Variants in ATOSA observed in about 807,000 individuals in gnomAD.
ATOSA encodes atos homolog A, also known as atos homolog protein A.
the ATOSA span, among the ~76,000 whole-genome samples, chr15:52,677,198 G>A: frequency 2.6e-5 from 4 of 152,152 alleles, no homozygotes; most frequent in African/African-American, 9.7e-5. Flanking sequence ...TAAAGACTTG[G>A]ATTTGGAAGG....
the ATOSA span, among the ~76,000 whole-genome samples, chr15:52,691,272 A>C: frequency 2.6e-5 from 4 of 152,180 alleles, no homozygotes; most frequent in Non-Finnish European, 5.9e-5. Flanking sequence ...CTGAACTTCT[A>C]ATTGCTTTAC....
chr15:52,651,915 C>G, the ATOSA span: 4 of 1,535,334 alleles, frequency 2.6e-6, no homozygotes, highest in Non-Finnish European at 3.5e-6. Context: ...ATACTGGAAT[C>G]CTTGTATAAA....
chr15:52,701,461 T>C, the ATOSA span, among the ~76,000 whole-genome samples: 1 of 152,158 alleles, frequency 6.6e-6, no homozygotes, highest in Non-Finnish European at 1.5e-5. Flanking sequence ...ATGTAAATCA[T>C]AGAGGTGATT....
chr15:52,702,419 C>A, the ATOSA span, among the ~76,000 whole-genome samples: 5 of 152,140 alleles, frequency 3.3e-5, no homozygotes, highest in Non-Finnish European at 7.4e-5. Context: ...TGGAATACCA[C>A]ACAACCATAA....
At chr15:52,608,916 A>G in the ATOSA span, 1 of 1,606,396 alleles carries the variant, frequency 6.2e-7, no homozygotes, top group Non-Finnish European at 8.5e-7. Flanking sequence ...AGAATTTTGG[A>G]TTATAGTTCT....
the ATOSA span, among the ~76,000 whole-genome samples, chr15:52,597,316 AT>A: frequency 2.6e-5 from 4 of 152,222 alleles, no homozygotes; most frequent in African/African-American, 9.6e-5. Context: ...CCACATAAAA[AT>A]TCATACACAA....
the ATOSA span, chr15:52,601,140 C>G: frequency 6.5e-7 from 1 of 1,542,372 alleles, no homozygotes; most frequent in East Asian, 2.4e-5. Flanking sequence ...ATCAAAGCAA[C>G]CTGATTGTGT....
At chr15:52,584,201 A>G in the ATOSA span, among the ~76,000 whole-genome samples, 22 of 149,398 alleles carry the variant, frequency 1.5e-4, no homozygotes, top group East Asian at 3.9e-4. Context: ...CTGGAGTCCA[A>G]TGGTGTGATC....
the ATOSA span, among the ~76,000 whole-genome samples, chr15:52,661,601 T>C: frequency 6.6e-6 from 1 of 152,196 alleles, no homozygotes; most frequent in Non-Finnish European, 1.5e-5. Context: ...CCCTCAGCTT[T>C]TTAAAGTGGA....
chr15:52,596,956 G>A, the ATOSA span, among the ~76,000 whole-genome samples: 1 of 152,122 alleles, frequency 6.6e-6, no homozygotes, highest in African/African-American at 2.4e-5. Context: ...AGGAAAAGAG[G>A]ATCAACATCA....
At chr15:52,691,291 G>A in the ATOSA span, among the ~76,000 whole-genome samples, 1 of 152,118 alleles carries the variant, frequency 6.6e-6, no homozygotes, top group African/African-American at 2.4e-5. Context: ...ACAAGACTTA[G>A]TCTCATTGGT....
the ATOSA span, among the ~76,000 whole-genome samples, chr15:52,676,656 C>A: frequency 3.3e-5 from 5 of 152,140 alleles, no homozygotes; most frequent in African/African-American, 1.2e-4. Context: ...CTTTGGAAAT[C>A]TTGATGAATA....
the ATOSA span, among the ~76,000 whole-genome samples, chr15:52,615,954 A>G: frequency 6.6e-6 from 1 of 152,266 alleles, no homozygotes; most frequent in East Asian, 1.9e-4. Context: ...GCTAGGAAGT[A>G]GCAAAGTTGA....
chr15:52,708,592 C>G, the ATOSA span, among the ~76,000 whole-genome samples: 1 of 152,178 alleles, frequency 6.6e-6, no homozygotes, highest in South Asian at 2.1e-4. Flanking sequence ...TAAAATCTAC[C>G]TTGCAAAACT....
At chr15:52,599,094 A>G in the ATOSA span, among the ~76,000 whole-genome samples, 5 of 152,234 alleles carry the variant, frequency 3.3e-5, 1 homozygote, top group South Asian at 1.0e-3. Flanking sequence ...TAAATTATCC[A>G]GCCTCTGGCC....
At chr15:52,651,498 T>G in the ATOSA span, among the ~76,000 whole-genome samples, 2 of 152,196 alleles carry the variant, frequency 1.3e-5, no homozygotes, top group Admixed American at 6.6e-5. Flanking sequence ...CTTAACAGCT[T>G]TAATTTAAAA....
the ATOSA span, among the ~76,000 whole-genome samples, chr15:52,597,976 T>C: frequency 6.6e-6 from 1 of 152,020 alleles, no homozygotes; most frequent in East Asian, 1.9e-4. Flanking sequence ...ATACAAAAAT[T>C]AGCTGGGCAT....
chr15:52,615,246 T>C, the ATOSA span, among the ~76,000 whole-genome samples: 2 of 152,230 alleles, frequency 1.3e-5, no homozygotes, highest in Non-Finnish European at 2.9e-5. Context: ...TTTCACGTAG[T>C]TATGGTAATT....
chr15:52,709,408 T>C, the ATOSA span, among the ~76,000 whole-genome samples: 2 of 152,194 alleles, frequency 1.3e-5, no homozygotes, highest in Non-Finnish European at 2.9e-5. Context: ...TTCTCATATC[T>C]GCTGAACTTT....
Sources: gnomAD v4.1 joint callset for allele counts (sites outside exome capture counted in the v4.1 genomes callset) on GRCh38, gnomAD v4.1.1 for gene constraint, MANE v1.5 for transcripts, NCBI Gene and HGNC (gene_info 2026-07-23, HGNC 2026-07-21) for gene names.